Variants in DPYD observed in about 807,000 individuals in gnomAD.
The protein encoded by DPYD is dihydropyrimidine dehydrogenase [NADP(+)].
A neutral mutation model predicts 116.2 loss-of-function variants in DPYD; 109 were observed. That is an observed-to-expected ratio of 0.94 (90% CI 0.80 to 1.10). The LOEUF (loss-of-function observed/expected upper bound fraction) is 1.10. DPYD is among the 50% of genes least tolerant of loss of function. The probability of loss-of-function intolerance (pLI) is 0.00; values close to 1 mark genes in which losing one functional copy is unlikely to be tolerated. For missense variants in DPYD, 1,302 were observed against 1,254.5 expected, an observed-to-expected ratio of 1.04 and a Z score of -0.57; for synonymous variants, 440 against 432.0, an observed-to-expected ratio of 1.02 and a Z score of -0.23.
At chr1:97,502,154 C>T (rs972046449) in intron 13 of DPYD, among the ~76,000 whole-genome samples, 1 of 151,864 alleles carries the variant, frequency 6.6e-6, no homozygotes, top group African/African-American at 2.4e-5. Flanking sequence ...TTCTGTTAAC[C>T]AAAAAGAACA....
intron 20 of DPYD, among the ~76,000 whole-genome samples, chr1:97,132,888 C>T (rs1653443675): frequency 6.6e-6 from 1 of 151,904 alleles, no homozygotes; most frequent in African/African-American, 2.4e-5. Flanking sequence ...ATTTCTTTTC[C>T]AAAGAGCTGA....
At chr1:97,725,487 T>G (rs1663201175) in intron 4 of DPYD, among the ~76,000 whole-genome samples, 1 of 151,488 alleles carries the variant, frequency 6.6e-6, no homozygotes, top group Non-Finnish European at 1.5e-5. Context: ...GGATCCAGAA[T>G]AGCTAAAATG....
chr1:97,515,477 A>G (rs1458073749), intron 13 of DPYD, among the ~76,000 whole-genome samples: 1 of 152,004 alleles, frequency 6.6e-6, no homozygotes, highest in Non-Finnish European at 1.5e-5. Flanking sequence ...TATTAAATGA[A>G]AAAGTCACTT....
intron 13 of DPYD, among the ~76,000 whole-genome samples, chr1:97,492,762 CA>C (rs904436986): frequency 1.8e-4 from 28 of 151,932 alleles, no homozygotes; most frequent in African/African-American, 6.3e-4. Context: ...TAAAGAAATT[CA>C]AAAAAATGGA....
chr1:97,436,014 T>A (rs758799473), intron 14 of DPYD, among the ~76,000 whole-genome samples: 3 of 152,060 alleles, frequency 2.0e-5, no homozygotes, highest in Non-Finnish European at 2.9e-5. Context: ...AAAACAGTTG[T>A]GCATTTTTCT....
chr1:97,130,065 T>C (rs1217221119), intron 20 of DPYD, among the ~76,000 whole-genome samples: 1 of 152,170 alleles, frequency 6.6e-6, no homozygotes, highest in Non-Finnish European at 1.5e-5. Flanking sequence ...TCACTGCTAC[T>C]CTCATGTTGT....
intron 20 of DPYD, among the ~76,000 whole-genome samples, chr1:97,144,944 G>C (rs1242067519): frequency 6.6e-6 from 1 of 152,168 alleles, no homozygotes; most frequent in Non-Finnish European, 1.5e-5. Context: ...GGCTGAGATT[G>C]TGTGATGTGG....
intron 4 of DPYD, among the ~76,000 whole-genome samples, chr1:97,724,301 G>T (rs1663095696): frequency 1.3e-4 from 2 of 15,512 alleles, no homozygotes; most frequent in African/African-American, 4.6e-4. Context: ...TGTGGGGGGG[G>T]GGGGGGGTGT....
chr1:97,920,736 C>G, intron 1 of DPYD, 148 bp downstream of exon 1: 1 of 1,191,722 alleles, frequency 8.4e-7, no homozygotes, highest in Non-Finnish European at 1.2e-6. Flanking sequence ...CCGCGCTCCT[C>G]CGCTCCCCCG....
At chr1:97,484,762 A>G (rs1489397205) in intron 13 of DPYD, among the ~76,000 whole-genome samples, 3 of 152,220 alleles carry the variant, frequency 2.0e-5, no homozygotes, top group Non-Finnish European at 2.9e-5. Context: ...TTTACTTTGT[A>G]CTGTCACAGT....
intron 4 of DPYD, among the ~76,000 whole-genome samples, chr1:97,736,143 G>T (rs1238427489): frequency 1.3e-5 from 2 of 152,036 alleles, no homozygotes; most frequent in East Asian, 3.9e-4. Context: ...TGGTAAAATT[G>T]TTTAACATCA....
At chr1:97,579,309 T>A (rs954584735) in intron 10 of DPYD, among the ~76,000 whole-genome samples, 3 of 152,202 alleles carry the variant, frequency 2.0e-5, no homozygotes, top group Non-Finnish European at 4.4e-5. Context: ...CAAATTATTA[T>A]GAAAATCTGA....
chr1:97,778,585 A>G (rs1666557220), intron 3 of DPYD, among the ~76,000 whole-genome samples: 2 of 152,210 alleles, frequency 1.3e-5, no homozygotes, highest in African/African-American at 4.8e-5. Flanking sequence ...TAACTATTAC[A>G]CAATATTCAA....
intron 20 of DPYD, among the ~76,000 whole-genome samples, chr1:97,173,243 T>C (rs76115794): frequency 0.14 from 20,786 of 150,118 alleles, 1,671 homozygotes; most frequent in East Asian, 0.28. Flanking sequence ...CGCACACATA[T>C]ATGTACATAT....
rs115177918 is a variant in DPYD at position 97,764,697 on chromosome 1, A to C, written c.234-24218T>G. Among the ~76,000 whole-genome samples, 986 of 152,198 alleles carry C rather than the reference A, an allele frequency of 6.5e-3. 14 individuals carry two copies. The highest frequency in any genetic ancestry group is 0.022 in the African/African-American group (926 of 41,564). The stretch of plus-strand genomic sequence containing the variant: ...TTTTTCCTAAGAATAAACTTTAACA[A>C]TACTTTATTATGATCTGAAATGCTG... On this transcript the variant is annotated intron_variant, in intron 3 of 22. Transcript: ENST00000370192.
chr1:97,724,298 G>GT (rs1663091348), intron 4 of DPYD, among the ~76,000 whole-genome samples: 1 of 18,696 alleles, frequency 5.3e-5, no homozygotes, highest in African/African-American at 1.8e-4. Flanking sequence ...GTATGTGGGG[G>GT]GGGGGGGGGG....
At chr1:97,628,235 G>A (rs1657047975) in intron 8 of DPYD, among the ~76,000 whole-genome samples, 1 of 151,994 alleles carries the variant, frequency 6.6e-6, no homozygotes, top group Non-Finnish European at 1.5e-5. Flanking sequence ...CTAGGGACCA[G>A]ATGGACTTTT....
intron 2 of DPYD, among the ~76,000 whole-genome samples, chr1:97,871,727 A>G (rs6677116): frequency 0.73 from 110,080 of 151,526 alleles, 40,618 homozygotes; most frequent in East Asian, 0.93. Flanking sequence ...TTTCTGGGCA[A>G]TAGAGGAAAT....
At position 97,687,039 on chromosome 1, in the gene DPYD, G is replaced by A. The variant is rs182955848; in HGVS notation, c.762+4678C>T. Among the ~76,000 whole-genome samples, 283 of 152,254 alleles carry A rather than the reference G, an allele frequency of 1.9e-3. 1 individual carries two copies. Among genetic ancestry groups the A allele is most frequent in the Non-Finnish European group, 2.7e-3 (185 of 68,022 alleles). ...TAATCCCAGCAATTTGGGAGGCTAAGGCAAGCGGGTCACTTGAGATCAGGA... is the reference window on the plus strand; with the variant it reads ...TAATCCCAGCAATTTGGGAGGCTAAAGCAAGCGGGTCACTTGAGATCAGGA... On this transcript the variant is annotated intron_variant, in intron 7 of 22. Transcript: ENST00000370192.
Sources: gnomAD v4.1 joint callset for allele counts (sites outside exome capture counted in the v4.1 genomes callset) on GRCh38, gnomAD v4.1.1 for gene constraint, MANE v1.5 for transcripts, NCBI Gene and HGNC (gene_info 2026-07-23, HGNC 2026-07-21) for gene names.